The following ADGRL2 variants were observed in gnomAD, a reference collection of about 807,000 sequenced individuals.
ADGRL2 encodes calcium-independent alpha-latrotoxin receptor 2.
A neutral mutation model predicts 157.4 loss-of-function variants in ADGRL2; 44 were observed. That is an observed-to-expected ratio of 0.28 (90% CI 0.22 to 0.36). The LOEUF is 0.36. ADGRL2 is among the 10% of genes least tolerant of loss of function. ADGRL2 has a pLI of 1.00. For missense variants in ADGRL2, 1,510 were observed against 1,768.9 expected (o/e 0.85, Z 2.63); for synonymous variants, 585 against 624.7 (o/e 0.94, Z 0.95).
At chr1:81,514,280 A>G (rs930656094) in intron 2 of ADGRL2, among the ~76,000 whole-genome samples, 1 of 151,982 alleles carries the variant, frequency 6.6e-6, no homozygotes, top group Non-Finnish European at 1.5e-5. Flanking sequence ...GCCTTGGGGG[A>G]AGGCTCTCAG....
chr1:81,379,723 C>T (rs138755008), intron 1 of ADGRL2, among the ~76,000 whole-genome samples: 36 of 152,320 alleles, frequency 2.4e-4, no homozygotes, highest in African/African-American at 7.9e-4. Flanking sequence ...TCCATGTTCT[C>T]TACAAGTCCA....
intron 2 of ADGRL2, chr1:81,557,108 G>T: frequency 5.6e-6 from 1 of 177,016 alleles, no homozygotes; most frequent in South Asian, 1.5e-4. Flanking sequence ...GACCACCTTT[G>T]CCTGTTGTTC....
rs1276290138 is a variant in ADGRL2 at position 81,842,737 on chromosome 1, T to C, written c.73+5680T>C. Among the ~76,000 whole-genome samples the C allele has an allele frequency of 3.3e-5, 5 of 152,150 alleles. No homozygotes were observed. In the East Asian group the frequency reaches 9.6e-4, roughly 29 times the overall value. On this transcript the variant is annotated intron_variant, in intron 2 of 23. Transcript: ENST00000686636. ...ATTGGAAAAAAACGTATTTTTCCTC[T>C]TAGGGATAAATGCTCTGTTTAGTAG...
chr1:81,312,222 T>C (rs1659803596), intron 1 of ADGRL2, among the ~76,000 whole-genome samples: 2 of 150,838 alleles, frequency 1.3e-5, no homozygotes, highest in East Asian at 3.9e-4. Flanking sequence ...ACAGAAAGAG[T>C]TTACAACCAT....
intron 1 of ADGRL2, among the ~76,000 whole-genome samples, chr1:81,355,370 A>AAAAG (rs765335918): frequency 1.1e-4 from 16 of 152,154 alleles, no homozygotes; most frequent in East Asian, 3.9e-4. Flanking sequence ...AAAAAAGAGA[A>AAAAG]AAAGAAAGAA....
chr1:81,549,701 G>A (rs1488023845), intron 2 of ADGRL2, among the ~76,000 whole-genome samples: 4 of 152,164 alleles, frequency 2.6e-5, no homozygotes, highest in South Asian at 2.1e-4. Flanking sequence ...ACAAGATCAC[G>A]GGATGAGAAA....
At chr1:81,814,265 A>T (rs539251896) in intron 1 of ADGRL2, among the ~76,000 whole-genome samples, 1 of 151,774 alleles carries the variant, frequency 6.6e-6, no homozygotes, top group African/African-American at 2.4e-5. Context: ...ATTTAAGCAT[A>T]GATGTGTATA....
chr1:81,805,747 G>C (rs1159891643), intron 1 of ADGRL2, among the ~76,000 whole-genome samples: 5 of 148,148 alleles, frequency 3.4e-5, no homozygotes, highest in Non-Finnish European at 4.5e-5. Context: ...AAAAAAAAAG[G>C]CCACATTGAT....
chr1:81,829,563 A>T (rs1333826515), intron 1 of ADGRL2, among the ~76,000 whole-genome samples: 1 of 152,192 alleles, frequency 6.6e-6, no homozygotes, highest in African/African-American at 2.4e-5. Flanking sequence ...TGTGAGCTAA[A>T]TGCTTCAGGT....
In ADGRL2 at chr1:81,966,605, TTGATG is replaced by T; in HGVS notation, c.2347_2349+2del. On this transcript the variant is annotated splice_donor_variant and coding_sequence_variant, in exon 13 of 24. Coordinates refer to ENST00000686636, the MANE Select transcript of ADGRL2 (RefSeq NM_001366006.2). LOFTEE classifies it high-confidence loss of function. ...CCTGTGCTTTTTACCCTGCCACACA[TTGATG>T]TAAGTTAATGTATGCTAATGAAGTA... 1 of 1,613,042 alleles carries T rather than the reference TTGATG, an allele frequency of 6.2e-7. No homozygotes were observed. The highest frequency in any genetic ancestry group is 8.5e-7 in the Non-Finnish European group (1 of 1,179,094).
chr1:81,787,072 A>G (rs1169468822), intron 2 of ADGRL2, among the ~76,000 whole-genome samples: 8 of 151,788 alleles, frequency 5.3e-5, no homozygotes, highest in Non-Finnish European at 1.0e-4. Flanking sequence ...CTGCTTTTGA[A>G]TCTTCCTCAT....
rs115417701 is a variant in ADGRL2 at position 81,310,902 on chromosome 1, T to G, written c.-302+4393T>G. Among the ~76,000 whole-genome samples the G allele has an allele frequency of 4.1e-3, 622 of 151,778 alleles. 3 individuals are homozygous for G. Among genetic ancestry groups the G allele is most frequent in the African/African-American group, 0.014 (592 of 41,424 alleles). On this transcript the variant is annotated intron_variant, in intron 1 of 24. Transcript: ENST00000370721. ...GAGAAGAGAACAGAGGATGGTGATT[T>G]TGAGTCTGTGTTGATAGAAACATTC... is the stretch of plus-strand genomic sequence containing the variant.
chr1:81,493,938 G>A (rs1482141778), intron 2 of ADGRL2, among the ~76,000 whole-genome samples: 1 of 152,124 alleles, frequency 6.6e-6, no homozygotes, highest in African/African-American at 2.4e-5. Context: ...GATTCTCAAT[G>A]TGAAGAAAAT....
At chr1:81,451,136 A>G (rs1431088847) in intron 2 of ADGRL2, among the ~76,000 whole-genome samples, 1 of 151,928 alleles carries the variant, frequency 6.6e-6, no homozygotes, top group Non-Finnish European at 1.5e-5. Context: ...AAGATCTTCC[A>G]TTGATCATAC....
chr1:81,617,358 A>G (rs1322720333), intron 3 of ADGRL2, among the ~76,000 whole-genome samples: 2 of 152,188 alleles, frequency 1.3e-5, no homozygotes, highest in Non-Finnish European at 2.9e-5. Context: ...CCACCCATCC[A>G]TGGAAAAAAT....
At chr1:81,825,495 T>C (rs574413852) in intron 1 of ADGRL2, among the ~76,000 whole-genome samples, 1 of 151,962 alleles carries the variant, frequency 6.6e-6, no homozygotes, top group Non-Finnish European at 1.5e-5. Context: ...ATTGCAGGCA[T>C]ACGCCACCAT....
At chr1:81,338,084 C>T (rs1661782670) in intron 1 of ADGRL2, among the ~76,000 whole-genome samples, 1 of 152,016 alleles carries the variant, frequency 6.6e-6, no homozygotes, top group Admixed American at 6.6e-5. Flanking sequence ...TACTCTTGGC[C>T]CAACGCAGTG....
intron 2 of ADGRL2, among the ~76,000 whole-genome samples, chr1:81,449,242 G>T (rs2101728210): frequency 6.6e-6 from 1 of 150,474 alleles, no homozygotes; most frequent in Non-Finnish European, 1.5e-5. Flanking sequence ...TATTATCCAG[G>T]GTCTGTGTAA....
intron 2 of ADGRL2, among the ~76,000 whole-genome samples, chr1:81,881,702 G>A (rs1159139560): frequency 1.3e-5 from 2 of 152,058 alleles, no homozygotes; most frequent in African/African-American, 2.4e-5. Context: ...TTCCTACACC[G>A]CTTACAGTAT....
Sources: gnomAD v4.1 joint callset for allele counts (sites outside exome capture counted in the v4.1 genomes callset) on GRCh38, gnomAD v4.1.1 for gene constraint, MANE v1.5 for transcripts, NCBI Gene and HGNC (gene_info 2026-07-23, HGNC 2026-07-21) for gene names.